The following EFL1 variants were observed in gnomAD, a reference collection of about 807,000 sequenced individuals.
EFL1 encodes elongation factor like GTPase 1.
A neutral mutation model predicts 126.7 loss-of-function variants in EFL1; 76 were observed. The observed-to-expected ratio is 0.60, with a 90% CI of 0.50 to 0.73. The LOEUF (loss-of-function observed/expected upper bound fraction) is 0.73, where lower values mean the gene tolerates loss of function less well. Ranked by LOEUF, EFL1 falls within the 30% of genes least tolerant of loss-of-function variation. The pLI is 0.00. For synonymous variants in EFL1, 410 were observed against 448.4 expected (o/e 0.91, Z 1.08); for missense variants, 1,128 against 1,343.2 (o/e 0.84, Z 2.50).
At chr15:82,132,374 T>C (rs549060142) in intron 19 of EFL1, among the ~76,000 whole-genome samples, 41 of 152,236 alleles carry the variant, frequency 2.7e-4, no homozygotes, top group African/African-American at 9.4e-4. Context: ...AGTGTGAGCC[T>C]ACACGTCTTT....
chr15:82,197,837 T>C (rs1595977212), intron 15 of EFL1, among the ~76,000 whole-genome samples: 1 of 152,136 alleles, frequency 6.6e-6, no homozygotes, highest in East Asian at 1.9e-4. Flanking sequence ...GATTCAGTCA[T>C]CTCTAAGCCT....
At chr15:82,176,407 G>T (rs1034156625) in intron 15 of EFL1, among the ~76,000 whole-genome samples, 1 of 152,152 alleles carries the variant, frequency 6.6e-6, no homozygotes, top group Non-Finnish European at 1.5e-5. Context: ...AAGATAACTC[G>T]CAAAGGAGAA....
rs779675573 is a variant in EFL1, at chr15:82,261,788, T to C, written c.-10A>G. On this transcript the variant is annotated 5_prime_UTR_variant, in exon 2 of 20. Transcript: ENST00000268206. ...AACTGTTGAGCACCATGATTACTTA[T>C]TTCCTGTGACTAAAAATTAAATATG... 3.7e-6 allele frequency: 6 copies of C among 1,611,638 alleles called. No homozygotes were observed. The highest frequency in any genetic ancestry group is 1.7e-5 in the Admixed American group (1 of 59,458).
At chr15:82,234,020 C>A (rs1166906923) in intron 7 of EFL1, among the ~76,000 whole-genome samples, 1 of 152,196 alleles carries the variant, frequency 6.6e-6, no homozygotes, top group Non-Finnish European at 1.5e-5. Context: ...TACAGGGGAA[C>A]ATTCATTTAT....
At chr15:82,191,756 T>C (rs1351283255) in intron 15 of EFL1, among the ~76,000 whole-genome samples, 1 of 152,166 alleles carries the variant, frequency 6.6e-6, no homozygotes, top group Non-Finnish European at 1.5e-5. Flanking sequence ...TCATGCTCAC[T>C]TTCTTGGAAG....
chr15:82,249,463 A>G (rs1273626638), intron 4 of EFL1, among the ~76,000 whole-genome samples: 1 of 152,102 alleles, frequency 6.6e-6, no homozygotes, highest in African/African-American at 2.4e-5. Context: ...AGATATAAAA[A>G]ATGGCTATAC....
At chr15:82,147,414 G>C (rs1401880922) in intron 18 of EFL1, among the ~76,000 whole-genome samples, 1 of 152,066 alleles carries the variant, frequency 6.6e-6, no homozygotes, top group Non-Finnish European at 1.5e-5. Flanking sequence ...CGGATCACTT[G>C]AGGCCAGGAG....
intron 15 of EFL1, among the ~76,000 whole-genome samples, chr15:82,171,723 G>C (rs1431945408): frequency 1.3e-5 from 2 of 152,124 alleles, no homozygotes; most frequent in Admixed American, 6.6e-5. Context: ...ACTAGAGAGT[G>C]GGGAGGGAGG....
chr15:82,251,204 T>C (rs527520244), intron 4 of EFL1, among the ~76,000 whole-genome samples: 4 of 152,020 alleles, frequency 2.6e-5, no homozygotes, highest in Non-Finnish European at 5.9e-5. Context: ...AGAGCAAGAC[T>C]CCGTCTCAAA....
At chr15:82,217,887 A>G (rs1411385236) in intron 14 of EFL1, among the ~76,000 whole-genome samples, 1 of 152,194 alleles carries the variant, frequency 6.6e-6, no homozygotes, top group African/African-American at 2.4e-5. Context: ...ATATGGCTTG[A>G]TGAAGAGGGC....
intron 4 of EFL1, among the ~76,000 whole-genome samples, chr15:82,247,226 T>C (rs1466014111): frequency 2.6e-5 from 4 of 151,998 alleles, no homozygotes; most frequent in African/African-American, 9.7e-5. Flanking sequence ...AAGGAAGTAT[T>C]TAAGTTTGAA....
At chr15:82,249,945 A>T (rs749405906) in intron 4 of EFL1, among the ~76,000 whole-genome samples, 5 of 152,110 alleles carry the variant, frequency 3.3e-5, no homozygotes, top group Non-Finnish European at 7.3e-5. Flanking sequence ...TACTTTTGAA[A>T]GCTCGGTAAA....
At chr15:82,158,037 TAC>T (rs1407302013) in intron 16 of EFL1, among the ~76,000 whole-genome samples, 177 bp from the exon 17 acceptor site, 2 of 152,212 alleles carry the variant, frequency 1.3e-5, no homozygotes, top group Non-Finnish European at 2.9e-5. Context: ...AATTTTTTTG[TAC>T]AGATAGCAAA....
chr15:82,227,667 C>T (rs541605763), intron 10 of EFL1, 95 bp from the exon 11 acceptor site: 1 of 1,544,316 alleles, frequency 6.5e-7, no homozygotes, highest in Admixed American at 1.8e-5. Flanking sequence ...GTAACAAAGT[C>T]TGTCCATACA....
chr15:82,161,552 A>G (rs1049993960), intron 16 of EFL1, among the ~76,000 whole-genome samples: 1 of 152,260 alleles, frequency 6.6e-6, no homozygotes, highest in Non-Finnish European at 1.5e-5. Context: ...TCAGTAACAC[A>G]GTCAATAAAT....
intron 16 of EFL1, among the ~76,000 whole-genome samples, chr15:82,160,860 A>C (rs1212291970): frequency 6.6e-6 from 1 of 152,214 alleles, no homozygotes; most frequent in Non-Finnish European, 1.5e-5. Flanking sequence ...TGTGAAGATG[A>C]GAATAAAAAG....
Position 82,151,916 on chromosome 15 carries a change from T to C in EFL1, c.2538A>G (p.Ser846=). 3 of 1,614,136 alleles carry C rather than the reference T, an allele frequency of 1.9e-6. No homozygotes were observed. The highest frequency in any genetic ancestry group is 2.5e-6 in the Non-Finnish European group (3 of 1,180,024). The part of the protein sequence containing the change: ...LVNKSEDFQN[S]VWTGPADKAS... ...CTTTGTCAGCTGGACCTGTCCATAC[T>C]GAGTTCTGAAAATCTTCACTTTTAT... is the stretch of plus-strand genomic sequence containing the variant. The change falls in exon 18 of 20, where the codon TCA becomes TCG. Residue 846 remains serine (S), a synonymous_variant. Transcript: ENST00000268206.
intron 18 of EFL1, among the ~76,000 whole-genome samples, chr15:82,147,039 G>GATTTTC (rs1595940913): frequency 6.6e-6 from 1 of 152,090 alleles, no homozygotes; most frequent in Non-Finnish European, 1.5e-5. Flanking sequence ...TCCAGGTGGT[G>GATTTTC]ATTTTCTAAT....
At position 82,193,809 on chromosome 15, in the gene EFL1, T is replaced by C. The variant is rs900885107; in HGVS notation, c.1750+20908A>G. Among the ~76,000 whole-genome samples the C allele has an allele frequency of 5.6e-4, 86 of 152,310 alleles. 3 individuals carry two copies. Among genetic ancestry groups the C allele is most frequent in the Non-Finnish European group, 4.4e-5 (3 of 68,018 alleles). ...AATACACATGGCTCAATCAATTGAA[T>C]GTGCTTACAAAAATCTTCAACCTCT... On this transcript the variant is annotated intron_variant, in intron 15 of 19. Transcript: ENST00000268206.
Sources: allele counts gnomAD v4.1 joint callset (sites outside exome capture counted in the v4.1 genomes callset), GRCh38; gene constraint gnomAD v4.1.1; transcripts MANE v1.5; gene names NCBI Gene and HGNC (gene_info 2026-07-23, HGNC 2026-07-21).